SIPA1L1: variants seen among roughly 807,000 people sequenced by gnomAD.
SIPA1L1 encodes the protein signal-induced proliferation-associated 1-like protein 1.
In SIPA1L1, 26 loss-of-function variants were observed where a neutral mutation model predicts 162.7. The observed-to-expected ratio is 0.16, with a 90% CI of 0.12 to 0.22. SIPA1L1 has a LOEUF of 0.22. Ranked by LOEUF, SIPA1L1 falls within the 10% of genes least tolerant of loss-of-function variation. The pLI is 1.00. For missense variants in SIPA1L1, 1,874 were observed against 2,241.0 expected (o/e 0.84, Z 3.31); for synonymous variants, 829 against 837.4 (o/e 0.99, Z 0.17).
chr14:71,700,036 G>A (rs1029443404), intron 14 of SIPA1L1, among the ~76,000 whole-genome samples: 1 of 152,136 alleles, frequency 6.6e-6, no homozygotes, highest in Non-Finnish European at 1.5e-5. Flanking sequence ...TTCAGGACTG[G>A]GTATCCCTTA....
In SIPA1L1 at chr14:71,672,594, C is replaced by T. The variant is rs1452201939; in HGVS notation, c.3076C>T (p.Pro1026Ser). The T allele has an allele frequency of 6.2e-7, 1 of 1,614,084 alleles. No individual in the cohort carries two copies. Among genetic ancestry groups the T allele is most frequent in the Non-Finnish European group, 8.5e-7 (1 of 1,179,954 alleles). Residue 1026 changes from proline (P) to serine (S), a missense_variant, in exon 12 of 24, where the codon CCC becomes TCC. Physicochemically the swap from Pro to Ser is moderately conservative, Grantham distance 74 (BLOSUM62 -1). Coordinates refer to ENST00000381232, the MANE Select transcript of SIPA1L1 (RefSeq NM_001386936.1). ...TGTCACGGTGAAGGTTGTCATCATTCCCCCGCATGATGACTGCACCCCGCG... is the reference window on the plus strand; with the variant it reads ...TGTCACGGTGAAGGTTGTCATCATTTCCCCGCATGATGACTGCACCCCGCG... ...TSVTVKVVII[P>S]PHDDCTPRRS...
At chr14:71,605,579 AT>A (rs2037389572) in intron 5 of SIPA1L1, among the ~76,000 whole-genome samples, 1 of 152,132 alleles carries the variant, frequency 6.6e-6, no homozygotes, top group Non-Finnish European at 1.5e-5. Flanking sequence ...TGGGTAGGGC[AT>A]TTTGACTTTG....
At chr14:71,331,283 C>T (rs773934474) in intron 2 of SIPA1L1, among the ~76,000 whole-genome samples, 16 of 152,154 alleles carry the variant, frequency 1.1e-4, no homozygotes, top group Non-Finnish European at 2.2e-4. Flanking sequence ...CATTATCACA[C>T]TGTTTTGATT....
chr14:71,349,534 A>G (rs750094033), intron 2 of SIPA1L1, among the ~76,000 whole-genome samples: 4 of 152,210 alleles, frequency 2.6e-5, no homozygotes, highest in Non-Finnish European at 4.4e-5. Flanking sequence ...CCCTAAAGAA[A>G]GGAAATAGAT....
intron 6 of SIPA1L1, among the ~76,000 whole-genome samples, chr14:71,620,283 G>A (rs2039292276): frequency 6.6e-6 from 1 of 152,114 alleles, no homozygotes; most frequent in East Asian, 1.9e-4. Flanking sequence ...TGGTCTGGCT[G>A]GTCTCGAACT....
At chr14:71,685,320 G>C (rs774661921) in intron 12 of SIPA1L1, 42 bp from the exon 13 acceptor site, 2 of 1,601,174 alleles carry the variant, frequency 1.2e-6, no homozygotes, top group East Asian at 4.5e-5. Flanking sequence ...GCAAGAAAAA[G>C]CAGTATCCAT....
intron 8 of SIPA1L1, among the ~76,000 whole-genome samples, 174 bp from the exon 9 acceptor site, chr14:71,658,159 G>T: frequency 6.6e-6 from 1 of 150,442 alleles, no homozygotes. Flanking sequence ...GGCTTCACTA[G>T]ACTGCCAAAG....
At chr14:71,657,590 A>G (rs1596701897) in intron 8 of SIPA1L1, among the ~76,000 whole-genome samples, 1 of 152,106 alleles carries the variant, frequency 6.6e-6, no homozygotes, top group East Asian at 1.9e-4. Flanking sequence ...GTGAGAACAC[A>G]ACATGCTTAA....
intron 10 of SIPA1L1, among the ~76,000 whole-genome samples, chr14:71,668,714 C>T (rs1465653803): frequency 6.6e-6 from 1 of 152,154 alleles, no homozygotes; most frequent in Non-Finnish European, 1.5e-5. Flanking sequence ...TCTAGATAAC[C>T]CTGCTGAGTA....
intron 2 of SIPA1L1, among the ~76,000 whole-genome samples, chr14:71,332,538 C>G (rs1404168361): frequency 6.6e-6 from 1 of 152,116 alleles, no homozygotes; most frequent in Non-Finnish European, 1.5e-5. Context: ...AAGTGCTTTT[C>G]TAAGAAAGAG....
intron 2 of SIPA1L1, among the ~76,000 whole-genome samples, chr14:71,440,712 T>C (rs1376787880): frequency 7.0e-6 from 1 of 143,260 alleles, no homozygotes; most frequent in African/African-American, 2.6e-5. Context: ...GTGAAGAGTA[T>C]ATTCAGATAA....
At chr14:71,492,808 G>A (rs1349948803) in intron 2 of SIPA1L1, among the ~76,000 whole-genome samples, 1 of 147,290 alleles carries the variant, frequency 6.8e-6, no homozygotes, top group Non-Finnish European at 1.5e-5. Context: ...TTTTTTTAAT[G>A]TAGGGATGGG....
intron 14 of SIPA1L1, 192 bp from the exon 15 acceptor site, chr14:71,702,178 TGAGCAGAGTGG>T: frequency 1.9e-6 from 1 of 527,054 alleles, no homozygotes; most frequent in Non-Finnish European, 3.4e-6. Context: ...CATACCTTTT[TGAGCAGAGTGG>T]TGTATATTGA....
intron 5 of SIPA1L1, among the ~76,000 whole-genome samples, chr14:71,609,275 A>G (rs1236882446): frequency 6.6e-6 from 1 of 151,880 alleles, no homozygotes; most frequent in Non-Finnish European, 1.5e-5. Context: ...ATTTTTATTT[A>G]TTTACCTATT....
intron 2 of SIPA1L1, among the ~76,000 whole-genome samples, chr14:71,358,537 ACCC>A (rs2037496114): frequency 6.6e-6 from 1 of 152,164 alleles, no homozygotes. Flanking sequence ...AGTGAGTCTT[ACCC>A]TGACCCCGTC....
At chr14:71,625,622 A>G (rs576802243) in intron 7 of SIPA1L1, among the ~76,000 whole-genome samples, 19 of 152,364 alleles carry the variant, frequency 1.2e-4, no homozygotes, top group African/African-American at 4.6e-4. Flanking sequence ...AAGACTACTG[A>G]CATATAAACG....
intron 7 of SIPA1L1, among the ~76,000 whole-genome samples, chr14:71,644,306 T>C (rs570580078): frequency 2.0e-5 from 3 of 152,344 alleles, no homozygotes; most frequent in Non-Finnish European, 4.4e-5. Context: ...AATCATGTAA[T>C]CATGGCTCAC....
Position 71,422,643 on chromosome 14 carries a change from A to G in SIPA1L1, c.-464-90100A>G, listed in dbSNP as rs111368274. 4.3e-3 allele frequency among the ~76,000 whole-genome samples: 656 copies of G among 152,314 alleles called. 7 individuals carry two copies. The highest frequency in any genetic ancestry group is 0.015 in the African/African-American group (624 of 41,562). On this transcript the variant is annotated intron_variant, in intron 2 of 23. Coordinates refer to ENST00000381232, the MANE Select transcript of SIPA1L1 (RefSeq NM_001386936.1). ...ATGTCTGAAGATTCATCTGTGTTGT[A>G]GCATGTGTAAGAATTTCCTTCTTTA...
intron 2 of SIPA1L1, among the ~76,000 whole-genome samples, chr14:71,454,194 T>C (rs141990935): frequency 1.8e-3 from 281 of 152,246 alleles, no homozygotes; most frequent in Non-Finnish European, 2.5e-3. Context: ...TTATACCCAT[T>C]GTATGTACAA....
Sources: gnomAD v4.1 joint callset for allele counts (sites outside exome capture counted in the v4.1 genomes callset) on GRCh38, gnomAD v4.1.1 for gene constraint, MANE v1.5 for transcripts, NCBI Gene and HGNC (gene_info 2026-07-23, HGNC 2026-07-21) for gene names.